Variants in ZNF792 observed in about 807,000 individuals in gnomAD.
ZNF792 encodes the protein zinc finger protein 792.
ZNF792 carries 14 observed loss-of-function variants against 13.1 expected under a neutral mutation model. That is an observed-to-expected ratio of 1.07 (90% CI 0.71 to 1.67). The LOEUF is 1.67. Among genes scored for constraint, ZNF792 ranks in the 40% most tolerant of loss-of-function variants. The probability of loss-of-function intolerance (pLI) is 0.00; values close to 1 mark genes in which losing one functional copy is unlikely to be tolerated. For synonymous variants in ZNF792, 257 were observed against 292.0 expected (o/e 0.88, Z 1.22); for missense variants, 740 against 807.9 (o/e 0.92, Z 1.02).
rs907950237 is a variant in ZNF792 at position 34,958,539 on chromosome 19, T to C, written c.1316A>G (p.Gln439Arg). ...CTCGCCAGTGTGAACTATCTGATGT[T>C]GAATGAGGCTGGCAATGTGGCTGAA... is the stretch of plus-strand genomic sequence containing the variant. ...KFFSHIASLI[Q>R]HQIVHTGERP... Residue 439 changes from glutamine (Q) to arginine (R), a missense_variant, in exon 4 of 4, where the codon CAA becomes CGA. Physicochemically the swap from Gln to Arg is conservative, Grantham distance 43 (BLOSUM62 1). Coordinates refer to ENST00000404801, the MANE Select transcript of ZNF792 (RefSeq NM_175872.5). The C allele has an allele frequency of 2.5e-6, 4 of 1,596,822 alleles. No homozygotes were observed. In the Admixed American group the frequency reaches 5.1e-5, roughly 20 times the overall value.
At position 34,960,660 on chromosome 19, in the gene ZNF792, G is replaced by A. The variant is rs1600243607; in HGVS notation, c.160+208C>T. On this transcript the variant is annotated intron_variant, in intron 2 of 3. Transcript: ENST00000404801. ...CCTCATGCCTGGAGCTTCCCTGCAA[G>A]GCTTCAGGCAGCAGGTGTGGGGGCA... The A allele has an allele frequency of 5.1e-6, 4 of 790,576 alleles. No individual in the cohort carries two copies. The East Asian group carries it at 1.1e-4, about 22-fold the overall frequency. The allele number at this position is 790,576 out of a possible 1,614,324, so 49.0% of individuals were successfully genotyped here.
chr19:34,960,873 G>A lies in ZNF792; in HGVS notation c.155C>T (p.Ser52Leu), dbSNP rs1194584126. Residue 52 changes from serine to leucine, a missense_variant, in exon 2 of 4, where the codon TCG (serine) becomes TTG (leucine). By Grantham distance (145) the Ser-to-Leu change is moderately radical (BLOSUM62 -2). Coordinates refer to ENST00000404801, the MANE Select transcript of ZNF792 (RefSeq NM_175872.5). The part of the protein sequence containing the change: ...VMLENFALIA[S>L]LGLISFRSHI... Reference sequence around the variant, plus strand: ...GGTAGGGGTGACAGCCTTACCCAGCGAGGCTATAAGTGCAAAGTTTTCCAG... The same window carrying A: ...GGTAGGGGTGACAGCCTTACCCAGCAAGGCTATAAGTGCAAAGTTTTCCAG... 10 of 1,614,048 alleles carry A rather than the reference G, an allele frequency of 6.2e-6. No homozygotes were observed. The highest frequency in any genetic ancestry group is 2.7e-5 in the African/African-American group (2 of 75,018).
chr19:34,960,352 T>A lies in ZNF792; in HGVS notation c.166A>T (p.Ile56Leu), dbSNP rs1373392918. The change falls in exon 3 of 4, where the codon ATA becomes TTA. Residue 56 changes from isoleucine to leucine, a missense_variant. Ile to Leu is a conservative substitution (Grantham distance 5). Coordinates refer to ENST00000404801, the MANE Select transcript of ZNF792 (RefSeq NM_175872.5). ...GAAACGATGTGGGACCTGAAAGATA[T>A]AAGTCCTAAGGGAAAGACAGAGTGG... is the stretch of plus-strand genomic sequence containing the variant. ...NFALIASLGLISFRSHIVSQL... is the reference protein window; with the variant it reads ...NFALIASLGLLSFRSHIVSQL... The A allele has an allele frequency of 5.0e-6, 8 of 1,612,812 alleles. No homozygotes were observed. The highest frequency in any genetic ancestry group is 5.1e-6 in the Non-Finnish European group (6 of 1,179,590).
At position 34,960,279 on chromosome 19, in the gene ZNF792, A is replaced by G; in HGVS notation, c.239T>C (p.Met80Thr). The change falls in exon 3 of 4, where the codon ATG becomes ACG. Residue 80 changes from methionine to threonine, a missense_variant. By Grantham distance (81) the Met-to-Thr change is moderately conservative. Coordinates refer to ENST00000404801, the MANE Select transcript of ZNF792 (RefSeq NM_175872.5). ...AGCCCCTCTGGCCATGGCTGATGTC[A>G]TATCCACACTGTCAGGCACCCAGGG... ...KEPWVPDSVD[M>T]TSAMARGAYG... is the part of the protein sequence containing the mutation. The G allele has an allele frequency of 6.2e-7, 1 of 1,613,908 alleles. No homozygotes were observed. Among genetic ancestry groups the G allele is most frequent in the South Asian group, 1.1e-5 (1 of 91,076 alleles).
At chr19:34,960,758 G>T in intron 2 of ZNF792, 110 bp downstream of exon 2, 1 of 1,530,544 alleles carries the variant, frequency 6.5e-7, no homozygotes, top group Non-Finnish European at 9.0e-7. Flanking sequence ...GGAAAGTGGG[G>T]ATGGAAGCAG....
intron 3 of ZNF792, 140 bp downstream of exon 3, chr19:34,960,095 A>C: frequency 7.9e-7 from 1 of 1,269,456 alleles, no homozygotes; most frequent in Non-Finnish European, 1.1e-6. Flanking sequence ...ATAATGTGTC[A>C]AGCACGGGGA....
At position 34,960,512 on chromosome 19, in the gene ZNF792, A is replaced by G. The variant is rs73593697; in HGVS notation, c.161-155T>C. 11,670 of 953,530 alleles carry G rather than the reference A, an allele frequency of 0.012. 867 individuals carry two copies. In the African/African-American group the frequency reaches 0.17, roughly 14 times the overall value. The allele number at this position is 953,530 out of a possible 1,614,324, so 59.1% of individuals were successfully genotyped here. On this transcript the variant is annotated intron_variant, in intron 2 of 3. Coordinates refer to ENST00000404801, the MANE Select transcript of ZNF792 (RefSeq NM_175872.5). ...AGTGATTGGAATTCCTGGCACAGTC[A>G]GGCTTAGGAAATATTAGCAAGAGGA...
chr19:34,964,032 G>A lies in ZNF792; in HGVS notation c.-370C>T. On this transcript the variant is annotated 5_prime_UTR_variant, in exon 1 of 4. Transcript: ENST00000404801. ...CCCCAACTCGGGGTCCCCAGCTCCT[G>A]GGGACTCAGCCTCCCCGCCGGGAAA... 1 of 249,470 alleles carries A rather than the reference G, an allele frequency of 4.0e-6. No homozygotes were observed. The highest frequency in any genetic ancestry group is 7.7e-5 in the East Asian group (1 of 12,998). 15.5% of individuals were successfully genotyped at this position (249,470 alleles called of 1,614,324 possible).
chr19:34,958,589 G>C lies in ZNF792; in HGVS notation c.1266C>G (p.Tyr422Ter). 10 of 1,607,848 alleles carry C rather than the reference G, an allele frequency of 6.2e-6. No homozygotes were observed. The highest frequency in any genetic ancestry group is 1.1e-5 in the South Asian group (1 of 90,122). Reference protein sequence around the residue: ...HWRVHTGERPYKCNECGKFFS... With the variant: ...HWRVHTGERP Reference sequence around the variant, plus strand: ...AGAATTTCCCACATTCGTTACACTTGTAAGGTCTTTCTCCAGTGTGAACTC... The same window carrying C: ...AGAATTTCCCACATTCGTTACACTTCTAAGGTCTTTCTCCAGTGTGAACTC... The change falls in exon 4 of 4, where the codon TAC (tyrosine) becomes TAG (stop). Residue 422 changes from tyrosine (Y) to a stop codon, truncating the protein, a stop_gained. Coordinates refer to ENST00000404801, the MANE Select transcript of ZNF792 (RefSeq NM_175872.5). LOFTEE classifies it low-confidence loss of function (END_TRUNC).
chr19:34,957,662 A>G lies in ZNF792; in HGVS notation c.*294T>C, dbSNP rs1568551342. Reference sequence around the variant, plus strand: ...ACAAGCTGTTGGCAAAACCCTGCTCAGGTCTTCACAGCCAAAAGCTGGTCA... The same window carrying G: ...ACAAGCTGTTGGCAAAACCCTGCTCGGGTCTTCACAGCCAAAAGCTGGTCA... On this transcript the variant is annotated 3_prime_UTR_variant, in exon 4 of 4. Transcript: ENST00000404801. The G allele has an allele frequency of 2.9e-6, 1 of 344,760 alleles. No homozygotes were observed. Among genetic ancestry groups the G allele is most frequent in the East Asian group, 4.8e-5 (1 of 20,800 alleles). 21.4% of individuals were successfully genotyped at this position (344,760 alleles called of 1,614,324 possible).
In ZNF792 at chr19:34,958,530, A is replaced by C. The variant is rs762690741; in HGVS notation, c.1325T>G (p.Ile442Arg). Residue 442 changes from isoleucine (I) to arginine (R), a missense_variant, in exon 4 of 4, where the codon ATA (isoleucine) becomes AGA (arginine). By Grantham distance (97) the Ile-to-Arg change is moderately conservative. Coordinates refer to ENST00000404801, the MANE Select transcript of ZNF792 (RefSeq NM_175872.5). ...SHIASLIQHQ[I>R]VHTGERPHGC... ...GTGAGGCCGCTCGCCAGTGTGAACTATCTGATGTTGAATGAGGCTGGCAAT... is the reference window on the plus strand; with the variant it reads ...GTGAGGCCGCTCGCCAGTGTGAACTCTCTGATGTTGAATGAGGCTGGCAAT... 101 of 1,594,496 alleles carry C rather than the reference A, an allele frequency of 6.3e-5. No individual in the cohort carries two copies. The highest frequency in any genetic ancestry group is 1.7e-4 in the Middle Eastern group (1 of 5,964).
Position 34,963,698 on chromosome 19 carries a change from G to GGC in ZNF792, c.-37_-36insGC. The GGC allele has an allele frequency of 6.4e-7, 1 of 1,559,334 alleles. No individual in the cohort carries two copies. The stretch of plus-strand genomic sequence containing the variant: ...GGTCAGAGCAGGGCCCCACGGTGCG[G>GGC]GAAACCACGGGGCGGGGGTAGGGGG... On this transcript the variant is annotated 5_prime_UTR_variant, in exon 1 of 4. Transcript: ENST00000404801.
Position 34,958,059 on chromosome 19 carries a change from T to A in ZNF792, c.1796A>T (p.Gln599Leu), listed in dbSNP as rs755253477. 6.2e-7 allele frequency: 1 copy of A among 1,612,706 alleles called. No individual in the cohort carries two copies. Among genetic ancestry groups the A allele is most frequent in the Non-Finnish European group, 8.5e-7 (1 of 1,179,336 alleles). ...SMENVLLPCS[Q>L]HTPEISSENR... Reference sequence around the variant, plus strand: ...CTCAGAGCTTATCTCTGGTGTGTGCTGTGAACAGGGAAGGAGCACATTCTC... The same window carrying A: ...CTCAGAGCTTATCTCTGGTGTGTGCAGTGAACAGGGAAGGAGCACATTCTC... Residue 599 changes from glutamine (Q) to leucine (L), a missense_variant, in exon 4 of 4, where the codon CAG becomes CTG. Gln to Leu is a moderately radical substitution (Grantham distance 113). Transcript: ENST00000404801.
In ZNF792 at chr19:34,958,916, A is replaced by G. The variant is rs371782559; in HGVS notation, c.939T>C (p.Cys313=). Residue 313 remains cysteine (C), a synonymous_variant, in exon 4 of 4, where the codon TGT becomes TGC. Transcript: ENST00000404801. ...VHNRGKPYEC[C]ECGKFFSQHS... ...GCTGGCTGAAGAATTTTCCACATTCACAGCACTCATACGGTTTTCCTCTAT... is the reference window on the plus strand; with the variant it reads ...GCTGGCTGAAGAATTTTCCACATTCGCAGCACTCATACGGTTTTCCTCTAT... 2 of 1,613,808 alleles carry G rather than the reference A, an allele frequency of 1.2e-6. No individual in the cohort carries two copies. The highest frequency in any genetic ancestry group is 2.7e-5 in the African/African-American group (2 of 74,938).
rs188646530 is a variant in ZNF792 at position 34,962,836 on chromosome 19, A to G, written c.33+794T>C. Among the ~76,000 whole-genome samples the G allele has an allele frequency of 7.2e-5, 11 of 152,240 alleles. No individual in the cohort carries two copies. The East Asian group carries it at 1.9e-3, about 27-fold the overall frequency. On this transcript the variant is annotated intron_variant, in intron 1 of 3. Coordinates refer to ENST00000404801, the MANE Select transcript of ZNF792 (RefSeq NM_175872.5). ...GGGTCTCTGGGACATCACAGGCTCA[A>G]CTTGGCCAAAACCTAACTTCTACTG...
Position 34,958,552 on chromosome 19 carries a change from C to T in ZNF792, c.1303G>A (p.Ala435Thr). 6.3e-7 allele frequency: 1 copy of T among 1,598,362 alleles called. No individual in the cohort carries two copies. Among genetic ancestry groups the T allele is most frequent in the Non-Finnish European group, 8.5e-7 (1 of 1,171,320 alleles). The change falls in exon 4 of 4, where the codon GCC (alanine) becomes ACC (threonine). Residue 435 changes from alanine to threonine, a missense_variant. Ala to Thr is a moderately conservative substitution (Grantham distance 58). Transcript: ENST00000404801. Reference protein sequence around the residue: ...NECGKFFSHIASLIQHQIVHT... With the variant: ...NECGKFFSHITSLIQHQIVHT... ...ACTATCTGATGTTGAATGAGGCTGG[C>T]AATGTGGCTGAAGAATTTCCCACAT... is the stretch of plus-strand genomic sequence containing the variant.
Position 34,957,802 on chromosome 19 carries a change from G to T in ZNF792, c.*154C>A. On this transcript the variant is annotated 3_prime_UTR_variant, in exon 4 of 4. Transcript: ENST00000404801. Reference sequence around the variant, plus strand: ...GAGAGGAGAGGTCTGCCTTCCCTGAGCACAGTGGAGTGGTGGACACACTCT... The same window carrying T: ...GAGAGGAGAGGTCTGCCTTCCCTGATCACAGTGGAGTGGTGGACACACTCT... 1 of 712,840 alleles carries T rather than the reference G, an allele frequency of 1.4e-6. No individual in the cohort carries two copies. The highest frequency in any genetic ancestry group is 2.3e-6 in the Non-Finnish European group (1 of 439,186). The allele number at this position is 712,840 out of a possible 1,614,324, so 44.2% of individuals were successfully genotyped here. A position where few individuals can be genotyped will look rare whatever the true frequency, so the allele number is the denominator to read the frequency against.
chr19:34,960,483 C>T (rs1370836865), intron 2 of ZNF792, 126 bp from the exon 3 acceptor site: 10 of 1,214,874 alleles, frequency 8.2e-6, no homozygotes, highest in Admixed American at 2.4e-5. Context: ...GCAGTAACCA[C>T]ATCAGTGATT....
rs2084076673 is a variant in ZNF792, at chr19:34,958,698, C to T, written c.1157G>A (p.Arg386Lys). ...SQRSNLIHHKRVHTGRSAHEC... is the reference protein window; with the variant it reads ...SQRSNLIHHKKVHTGRSAHEC... ...ATGGGCACTTCTGCCCGTATGAACC[C>T]TCTTATGATGAATGAGGTTGGAACG... is the stretch of plus-strand genomic sequence containing the variant. Residue 386 changes from arginine (R) to lysine (K), a missense_variant, in exon 4 of 4, where the codon AGG (arginine) becomes AAG (lysine). Transcript: ENST00000404801. The T allele has an allele frequency of 6.2e-7, 1 of 1,614,068 alleles. No individual in the cohort carries two copies. Among genetic ancestry groups the T allele is most frequent in the Non-Finnish European group, 8.5e-7 (1 of 1,179,972 alleles).
Sources: allele counts gnomAD v4.1 joint callset (sites outside exome capture counted in the v4.1 genomes callset), GRCh38; gene constraint gnomAD v4.1.1; transcripts MANE v1.5; gene names NCBI Gene and HGNC (gene_info 2026-07-23, HGNC 2026-07-21).